Variants in SNX8 observed in about 807,000 individuals in gnomAD.
SNX8 encodes the protein sorting nexin 8.
In SNX8, 25 loss-of-function variants were observed where a neutral mutation model predicts 51.6. The ratio of observed to expected loss-of-function variants is 0.48; its 90% CI spans 0.35 to 0.68. The LOEUF is 0.68. Among genes scored for constraint, SNX8 ranks in the 30% least tolerant of loss-of-function variants. The pLI, the probability that SNX8 is intolerant of heterozygous loss-of-function variation, is 0.00. For missense variants in SNX8, 695 were observed against 624.0 expected, an observed-to-expected ratio of 1.11 and a Z score of -1.21; for synonymous variants, 324 against 277.0, an observed-to-expected ratio of 1.17 and a Z score of -1.68.
rs1795413290 is a variant in SNX8 at position 2,264,373 on chromosome 7, C to T, written c.707G>A (p.Arg236His). The T allele has an allele frequency of 3.1e-6, 5 of 1,612,936 alleles. No individual in the cohort carries two copies. The highest frequency in any genetic ancestry group is 2.7e-5 in the African/African-American group (2 of 74,936). The change falls in exon 6 of 11, where the codon CGC becomes CAC. Residue 236 changes from arginine (R) to histidine (H), a missense_variant. Coordinates refer to ENST00000222990, the MANE Select transcript of SNX8 (RefSeq NM_013321.4). ...CGATGCGATCCGCTCGGCCCTGTCGCGAAGCTTGTGAAAGCTATTGTAGAT... is the reference window on the plus strand; with the variant it reads ...CGATGCGATCCGCTCGGCCCTGTCGTGAAGCTTGTGAAAGCTATTGTAGAT... ...RNIYNSFHKL[R>H]DRAERIASRA...
chr7:2,264,475 G>C lies in SNX8; in HGVS notation c.622-17C>G. 5.6e-6 allele frequency: 9 copies of C among 1,605,072 alleles called. No homozygotes were observed. Among genetic ancestry groups the C allele is most frequent in the Non-Finnish European group, 7.6e-6 (9 of 1,177,296 alleles). On this transcript the variant is annotated splice_polypyrimidine_tract_variant and intron_variant, in intron 5 of 10. Transcript: ENST00000222990. ...GAGGAAGTCCTGACATCATGATGGG[G>C]GGAGAGACACTGTGTTAGTCGCTGG...
intron 1 of SNX8, among the ~76,000 whole-genome samples, chr7:2,345,265 T>G (rs2115248856): frequency 6.6e-6 from 1 of 152,224 alleles, no homozygotes; most frequent in East Asian, 1.9e-4. Context: ...TAGAACAGCA[T>G]GTACAGAATG....
At chr7:2,279,294 C>A (rs1405905397) in intron 1 of SNX8, among the ~76,000 whole-genome samples, 1 of 147,202 alleles carries the variant, frequency 6.8e-6, no homozygotes, top group Non-Finnish European at 1.5e-5. Flanking sequence ...ACTACGGAGT[C>A]GAAGCCGGAC....
At chr7:2,267,100 T>G (rs913970001) in intron 5 of SNX8, among the ~76,000 whole-genome samples, 1 of 152,216 alleles carries the variant, frequency 6.6e-6, no homozygotes, top group Non-Finnish European at 1.5e-5. Flanking sequence ...ACAGCCTCCC[T>G]GAGCCTGTTT....
At chr7:2,334,175 G>A (rs1432772430) in intron 1 of SNX8, among the ~76,000 whole-genome samples, 1 of 152,080 alleles carries the variant, frequency 6.6e-6, no homozygotes, top group African/African-American at 2.4e-5. Context: ...CAGCTGAGGG[G>A]GTCGGATCAT....
intron 1 of SNX8, among the ~76,000 whole-genome samples, chr7:2,284,432 C>T (rs6958872): frequency 0.11 from 12,918 of 121,162 alleles, 1,973 homozygotes; most frequent in African/African-American, 0.34. Flanking sequence ...GACAGAGTCT[C>T]ACTCTGTTGC....
At chr7:2,344,631 T>G (rs993952275) in intron 1 of SNX8, among the ~76,000 whole-genome samples, 2 of 142,510 alleles carry the variant, frequency 1.4e-5, no homozygotes, top group African/African-American at 5.2e-5. Flanking sequence ...AAAAAAATTA[T>G]AAAGTGGCTG....
intron 1 of SNX8, among the ~76,000 whole-genome samples, chr7:2,301,829 A>C (rs979513099): frequency 5.9e-5 from 9 of 151,840 alleles, no homozygotes; most frequent in African/African-American, 2.2e-4. Context: ...TCATTACCAA[A>C]CCTCTGTATG....
chr7:2,330,628 C>T (rs1219071572), intron 1 of SNX8, among the ~76,000 whole-genome samples: 1 of 151,996 alleles, frequency 6.6e-6, no homozygotes, highest in Non-Finnish European at 1.5e-5. Flanking sequence ...GGGAACTGAG[C>T]CCCCAACCTG....
chr7:2,257,061 C>A (rs2302071), intron 9 of SNX8, 38 bp from the exon 10 acceptor site: 523,085 of 1,560,910 alleles, frequency 0.34, 89,965 homozygotes, highest in African/African-American at 0.37. Flanking sequence ...CCCGGCCCAG[C>A]CGGCGACGGG....
Position 2,300,974 on chromosome 7 carries a change from G to A in SNX8, c.94+13354C>T, listed in dbSNP as rs183507421. On this transcript the variant is annotated intron_variant, in intron 1 of 10. Coordinates refer to ENST00000222990, the MANE Select transcript of SNX8 (RefSeq NM_013321.4). ...GTGGAGCTTAAACCCAACCTCGAAC[G>A]AGACAAGTAACCATTCTCCCACAAA... 3.4e-3 allele frequency among the ~76,000 whole-genome samples: 512 copies of A among 152,228 alleles called. 5 individuals carry two copies. The highest frequency in any genetic ancestry group is 0.012 in the African/African-American group (500 of 41,550).
At chr7:2,263,207 C>T in intron 7 of SNX8, 23 bp downstream of exon 7, 1 of 1,612,894 alleles carries the variant, frequency 6.2e-7, no homozygotes, top group Non-Finnish European at 8.5e-7. Flanking sequence ...GGAACAGGCG[C>T]CTGGGAGAAC....
At chr7:2,297,409 G>C (rs1471756357) in intron 1 of SNX8, among the ~76,000 whole-genome samples, 1 of 151,402 alleles carries the variant, frequency 6.6e-6, no homozygotes. Context: ...AATTAGCCAG[G>C]CACGGTGGCA....
intron 9 of SNX8, 106 bp downstream of exon 9, chr7:2,257,259 G>C (rs1391810519): frequency 2.5e-5 from 35 of 1,378,960 alleles, no homozygotes; most frequent in Non-Finnish European, 3.3e-5. Flanking sequence ...CTCTGTTCCA[G>C]ACACAAGGAG....
At chr7:2,266,641 G>A (rs61343637) in intron 5 of SNX8, among the ~76,000 whole-genome samples, 3,487 of 152,176 alleles carry the variant, frequency 0.023, 138 homozygotes, top group African/African-American at 0.079. Flanking sequence ...CACCACGCCC[G>A]GCCGGTTTTT....
chr7:2,271,737 C>T (rs1475652386), intron 4 of SNX8, 113 bp downstream of exon 4: 8 of 1,199,924 alleles, frequency 6.7e-6, no homozygotes, highest in East Asian at 2.6e-5. Flanking sequence ...TCCTGCTGGG[C>T]GTCCAAACAA....
At chr7:2,328,665 T>C (rs1778671627) in intron 1 of SNX8, among the ~76,000 whole-genome samples, 2 of 150,376 alleles carry the variant, frequency 1.3e-5, no homozygotes, top group Admixed American at 6.6e-5. Flanking sequence ...ATACAAAAAA[T>C]TGCACGCTGG....
chr7:2,258,898 C>T (rs1361645013), intron 7 of SNX8, among the ~76,000 whole-genome samples: 1 of 152,170 alleles, frequency 6.6e-6, no homozygotes, highest in East Asian at 1.9e-4. Flanking sequence ...CCCATCACGG[C>T]AGAGGGATGC....
At chr7:2,312,283 T>C (rs866585656) in intron 1 of SNX8, among the ~76,000 whole-genome samples, 39 of 152,002 alleles carry the variant, frequency 2.6e-4, no homozygotes, top group African/African-American at 9.2e-4. Context: ...GCCTCTGGAG[T>C]CTACTTCTGT....
Sources: gnomAD v4.1 joint callset for allele counts (sites outside exome capture counted in the v4.1 genomes callset) on GRCh38, gnomAD v4.1.1 for gene constraint, MANE v1.5 for transcripts, NCBI Gene and HGNC (gene_info 2026-07-23, HGNC 2026-07-21) for gene names.